The following SLC44A5 variants were observed in gnomAD, a reference collection of about 807,000 sequenced individuals.
SLC44A5 encodes solute carrier family 44 member 5, also known as choline transporter-like protein 5.
A neutral mutation model predicts 101.8 loss-of-function variants in SLC44A5; 57 were observed. That is an observed-to-expected ratio of 0.56 (90% CI 0.45 to 0.70). SLC44A5 has a LOEUF of 0.70. Among genes scored for constraint, SLC44A5 ranks in the 30% least tolerant of loss-of-function variants. The pLI is 0.00. For missense variants in SLC44A5, 737 were observed against 853.1 expected, an observed-to-expected ratio of 0.86 and a Z score of 1.70; for synonymous variants, 281 against 290.9, an observed-to-expected ratio of 0.97 and a Z score of 0.35.
At chr1:75,423,331 T>C (rs555784119) in intron 2 of SLC44A5, among the ~76,000 whole-genome samples, 1 of 152,320 alleles carries the variant, frequency 6.6e-6, no homozygotes, top group South Asian at 2.1e-4. Flanking sequence ...TGAAATTAGA[T>C]TAGATGGTTG....
chr1:75,632,029 T>C, the SLC44A5 span, among the ~76,000 whole-genome samples: 1 of 152,122 alleles, frequency 6.6e-6, no homozygotes, highest in Non-Finnish European at 1.5e-5. Context: ...CATAAGCACT[T>C]GGGAAATTTA....
At chr1:75,350,747 A>G (rs904177684) in intron 3 of SLC44A5, among the ~76,000 whole-genome samples, 1 of 151,562 alleles carries the variant, frequency 6.6e-6, no homozygotes, top group African/African-American at 2.4e-5. Context: ...ACAAAAAATG[A>G]GCCAGGCATG....
Position 75,275,058 on chromosome 1 carries a change from A to G in SLC44A5, c.176-16T>C, listed in dbSNP as rs375330502. On this transcript the variant is annotated splice_polypyrimidine_tract_variant and intron_variant, in intron 5 of 23. Transcript: ENST00000370859. Reference sequence around the variant, plus strand: ...TGTACCCAGGCTGCAGGAACAAGAAAGGACAAATATGCTATCAGCAAAAGC... The same window carrying G: ...TGTACCCAGGCTGCAGGAACAAGAAGGGACAAATATGCTATCAGCAAAAGC... 1.2e-6 allele frequency: 2 copies of G among 1,607,594 alleles called. No individual in the cohort carries two copies. The highest frequency in any genetic ancestry group is 2.7e-5 in the African/African-American group (2 of 74,790).
the SLC44A5 span, among the ~76,000 whole-genome samples, chr1:75,654,352 G>A: frequency 1.3e-5 from 2 of 152,140 alleles, no homozygotes; most frequent in Non-Finnish European, 2.9e-5. Context: ...CAATGTTTCA[G>A]AAGAAAGCAC....
chr1:75,541,103 C>T (rs549273636), intron 2 of SLC44A5, among the ~76,000 whole-genome samples: 48 of 152,266 alleles, frequency 3.2e-4, no homozygotes, highest in Middle Eastern at 3.4e-3. Flanking sequence ...GAGGGGGCAA[C>T]GCTGGAGAAA....
Position 75,499,604 on chromosome 1 carries a change from T to G in SLC44A5, c.13+41831A>C, listed in dbSNP as rs546785501. ...TCCCCATTATTAAACAATGCATAAC[T>G]GTATTTATAAATATATTTTGTATAC... On this transcript the variant is annotated intron_variant, in intron 2 of 23. Transcript: ENST00000370859. 6.7e-4 allele frequency among the ~76,000 whole-genome samples: 102 copies of G among 152,358 alleles called. 1 individual carries two copies. Among genetic ancestry groups the G allele is most frequent in the African/African-American group, 2.3e-3 (96 of 41,584 alleles).
rs189277115 is a variant in SLC44A5 at position 75,541,921 on chromosome 1, T to C, written c.-69-405A>G. Among the ~76,000 whole-genome samples the C allele has an allele frequency of 5.4e-4, 82 of 152,304 alleles. 1 individual carries two copies. The East Asian group carries it at 0.015, about 28-fold the overall frequency. ...TGCCACACTGATTACCAAATGGTGG[T>C]GGATGACATTTTTGTTTTGAGTTCA... On this transcript the variant is annotated intron_variant, in intron 1 of 23. Transcript: ENST00000370859.
intron 5 of SLC44A5, among the ~76,000 whole-genome samples, chr1:75,299,743 G>C (rs1009797982): frequency 3.3e-5 from 5 of 151,928 alleles, no homozygotes; most frequent in Admixed American, 3.3e-4. Flanking sequence ...AGGCACAGTA[G>C]CTCATGCCTG....
intron 1 of SLC44A5, among the ~76,000 whole-genome samples, chr1:75,591,389 C>T (rs1335078927): frequency 1.3e-5 from 2 of 152,120 alleles, no homozygotes; most frequent in African/African-American, 4.8e-5. Context: ...AATCAAAAAA[C>T]ATAGAGTGGT....
At chr1:75,234,197 A>C (rs1647863245) in intron 11 of SLC44A5, 99 bp from the exon 12 acceptor site, 1 of 759,462 alleles carries the variant, frequency 1.3e-6, no homozygotes. Context: ...AATTATTCTT[A>C]AATTCTTTTA....
chr1:75,330,169 G>GTATATATGCATATATATACA (rs1553162298), intron 4 of SLC44A5, among the ~76,000 whole-genome samples: 15 of 117,470 alleles, frequency 1.3e-4, no homozygotes, highest in African/African-American at 5.4e-4. Flanking sequence ...ATATATATAC[G>GTATATATGCATATATATACA]TATATATGCA....
At chr1:75,711,433 A>G in the SLC44A5 span, among the ~76,000 whole-genome samples, 6,707 of 152,296 alleles carry the variant, frequency 0.044, 201 homozygotes, top group African/African-American at 0.092. Context: ...GAAAAAAATA[A>G]ATCAAACTTT....
At chr1:75,329,493 C>T (rs914057697) in intron 4 of SLC44A5, among the ~76,000 whole-genome samples, 4 of 151,704 alleles carry the variant, frequency 2.6e-5, no homozygotes, top group Non-Finnish European at 5.9e-5. Context: ...CTCTGTTCCC[C>T]GAGTTATGCT....
rs556350065 is a variant in SLC44A5 at position 75,579,165 on chromosome 1, C to G, written c.-70+31875G>C. Among the ~76,000 whole-genome samples, 20 of 152,196 alleles carry G rather than the reference C, an allele frequency of 1.3e-4. No individual in the cohort carries two copies. The East Asian group carries it at 2.3e-3, about 18-fold the overall frequency. ...CTCTGAACTATGACCATTAATTAAA[C>G]AGGAAAAGGAGTTAGTTATAATCTG... On this transcript the variant is annotated intron_variant, in intron 1 of 23. Transcript: ENST00000370859.
intron 4 of SLC44A5, among the ~76,000 whole-genome samples, chr1:75,321,945 C>A (rs1656182862): frequency 6.6e-6 from 1 of 152,140 alleles, no homozygotes; most frequent in South Asian, 2.1e-4. Flanking sequence ...ATGGGAAATT[C>A]AATTCCAAAC....
chr1:75,399,679 G>C (rs1192142366), intron 2 of SLC44A5, among the ~76,000 whole-genome samples: 1 of 152,114 alleles, frequency 6.6e-6, no homozygotes, highest in Non-Finnish European at 1.5e-5. Flanking sequence ...GTAGCAAAAA[G>C]CATGTAAAAG....
At chr1:75,656,445 C>G in the SLC44A5 span, among the ~76,000 whole-genome samples, 18 of 152,260 alleles carry the variant, frequency 1.2e-4, no homozygotes, top group Admixed American at 1.1e-3. Flanking sequence ...ACGATAATAA[C>G]TACAACAATT....
At chr1:75,245,118 A>G (rs992645747) in intron 7 of SLC44A5, among the ~76,000 whole-genome samples, 1 of 152,060 alleles carries the variant, frequency 6.6e-6, no homozygotes, top group Non-Finnish European at 1.5e-5. Context: ...CACAGTTAAT[A>G]TTTTCTTGAA....
chr1:75,701,984 A>G, the SLC44A5 span, among the ~76,000 whole-genome samples: 1 of 152,102 alleles, frequency 6.6e-6, no homozygotes, highest in African/African-American at 2.4e-5. Context: ...AGAACTACAA[A>G]CCACTGCTCA....
Sources: gnomAD v4.1 joint callset for allele counts (sites outside exome capture counted in the v4.1 genomes callset) on GRCh38, gnomAD v4.1.1 for gene constraint, MANE v1.5 for transcripts, NCBI Gene and HGNC (gene_info 2026-07-23, HGNC 2026-07-21) for gene names.